CEP76: variants seen among roughly 807,000 people sequenced by gnomAD.
CEP76 encodes the protein centrosomal protein 76, also known as centrosomal protein of 76 kDa.
CEP76 carries 55 observed loss-of-function variants against 83.3 expected under a neutral mutation model. That is an observed-to-expected ratio of 0.66 (90% CI 0.53 to 0.83). CEP76 has a LOEUF of 0.83. Among genes scored for constraint, CEP76 ranks in the 40% least tolerant of loss-of-function variants. The pLI, the probability that CEP76 is intolerant of heterozygous loss-of-function variation, is 0.00. For synonymous variants in CEP76, 270 were observed against 274.5 expected (o/e 0.98, Z 0.16); for missense variants, 694 against 799.5 (o/e 0.87, Z 1.59).
chr18:12,689,477 G>A (rs891153607), intron 7 of CEP76, among the ~76,000 whole-genome samples: 1 of 152,192 alleles, frequency 6.6e-6, no homozygotes, highest in African/African-American at 2.4e-5. Context: ...TACAAAAAGA[G>A]CCAATGCCTG....
At chr18:12,668,030 C>T (rs4797698), downstream of CEP76, among the ~76,000 whole-genome samples, 24,589 of 151,478 alleles carry the variant, frequency 0.16, 2,081 homozygotes, top group Admixed American at 0.24. Flanking sequence ...TTTGGGAGGC[C>T]GAGGCAGGCG....
intron 6 of CEP76, among the ~76,000 whole-genome samples, chr18:12,692,811 A>G (rs1222954073): frequency 6.6e-6 from 1 of 152,142 alleles, no homozygotes; most frequent in Non-Finnish European, 1.5e-5. Flanking sequence ...TTTAGGATCC[A>G]TACATATTTC....
intron 10 of CEP76, 109 bp downstream of exon 10, chr18:12,678,000 G>C (rs1350760037): frequency 8.9e-6 from 7 of 783,732 alleles, no homozygotes; most frequent in African/African-American, 1.7e-5. Flanking sequence ...GACTGTAGTT[G>C]TTTTGTTCAG....
intron 7 of CEP76, 173 bp downstream of exon 7, chr18:12,691,186 A>G: frequency 2.2e-6 from 1 of 444,858 alleles, no homozygotes; most frequent in Non-Finnish European, 3.9e-6. Context: ...ACATAGATTG[A>G]TCTTGCCACT....
At chr18:12,676,279 CT>C (rs1157897766) in intron 10 of CEP76, among the ~76,000 whole-genome samples, 713 of 106,424 alleles carry the variant, frequency 6.7e-3, no homozygotes, top group African/African-American at 0.014. Context: ...ACAGTAATTC[CT>C]TTTTTTTTTT....
At chr18:12,672,347 C>T (rs1044121886), downstream of CEP76, among the ~76,000 whole-genome samples, 1 of 152,016 alleles carries the variant, frequency 6.6e-6, no homozygotes, top group East Asian at 1.9e-4. Context: ...AACTCCTGAC[C>T]TCAAGTGATC....
In CEP76 at chr18:12,672,980, A is replaced by G. The variant is rs1385713131; in HGVS notation, c.*385T>C. 2 of 988,660 alleles carry G rather than the reference A, an allele frequency of 2.0e-6. No homozygotes were observed. Among genetic ancestry groups the G allele is most frequent in the Non-Finnish European group, 2.4e-6 (2 of 831,910 alleles). The allele number at this position is 988,660 out of a possible 1,614,324, so 61.2% of individuals were successfully genotyped here. On this transcript the variant is annotated 3_prime_UTR_variant, in exon 12 of 12. Coordinates refer to ENST00000262127, the MANE Select transcript of CEP76 (RefSeq NM_024899.4). ...ATAAAATAATTCCATTAACCTGTGA[A>G]AAGTAATGATCATACTGATTTGTCT...
chr18:12,695,269 T>C lies in CEP76; in HGVS notation c.789A>G (p.Glu263=). ...YPPLNQTLSQ[E]VVNTQLALER... The stretch of plus-strand genomic sequence containing the variant: ...AAGTATTTACCTGTGTGTTCACTAC[T>C]TCTTGAGATAACGTTTGATTGAGTG... The change falls in exon 6 of 12, where the codon GAA becomes GAG. Residue 263 remains glutamate, a synonymous_variant. Coordinates refer to ENST00000262127, the MANE Select transcript of CEP76 (RefSeq NM_024899.4). 1.3e-6 allele frequency: 2 copies of C among 1,523,000 alleles called. No homozygotes were observed. The highest frequency in any genetic ancestry group is 1.8e-6 in the Non-Finnish European group (2 of 1,107,336). The allele number at this position is 1,523,000 out of a possible 1,614,324, so 94.3% of individuals were successfully genotyped here.
intron 1 of CEP76, 28 bp downstream of exon 1, chr18:12,702,458 G>T: frequency 6.4e-7 from 1 of 1,553,302 alleles, no homozygotes. Context: ...TCGGCCCGGC[G>T]GTCTCTCCCA....
rs1429364223 is a variant in CEP76 at position 12,674,735 on chromosome 18, C to T, written c.1642G>A (p.Val548Ile). ...EHRKDLGLTT[V>I]WEDQLSYLLS... ...AGGTAGGAGAGCTGGTCTTCCCAAA[C>T]AGTAGTGAGGCCAAGATCCTATGAG... The change falls in exon 11 of 12, where the codon GTT becomes ATT. Residue 548 changes from valine (V) to isoleucine (I), a missense_variant. Physicochemically the swap from Val to Ile is conservative, Grantham distance 29 (BLOSUM62 3). Transcript: ENST00000262127. 7 of 1,613,670 alleles carry T rather than the reference C, an allele frequency of 4.3e-6. No homozygotes were observed. In the East Asian group the frequency reaches 1.1e-4, roughly 26 times the overall value.
Position 12,697,677 on chromosome 18 carries a change from T to C in CEP76, c.521-269A>G, listed in dbSNP as rs536865502. On this transcript the variant is annotated intron_variant, in intron 4 of 11. Coordinates refer to ENST00000262127, the MANE Select transcript of CEP76 (RefSeq NM_024899.4). ...TCTGATTCATAAGATAAGTCTGTTC[T>C]TTAAAAGTACTTAACTAAAGTATAT... Among the ~76,000 whole-genome samples, 3 of 152,306 alleles carry C rather than the reference T, an allele frequency of 2.0e-5. No individual in the cohort carries two copies. The East Asian group carries it at 5.8e-4, about 29-fold the overall frequency.
At chr18:12,662,721 G>A (rs928070595) in intron 12 of CEP76, among the ~76,000 whole-genome samples, 1 of 152,188 alleles carries the variant, frequency 6.6e-6, no homozygotes, top group African/African-American at 2.4e-5. Context: ...AGGCTGCAGT[G>A]AGCCGAGATC....
At position 12,702,559 on chromosome 18, in the gene CEP76, G is replaced by GGCGTCTCCCCGCC; in HGVS notation, c.-24_-12dup. On this transcript the variant is annotated 5_prime_UTR_variant, in exon 1 of 12. Coordinates refer to ENST00000262127, the MANE Select transcript of CEP76 (RefSeq NM_024899.4). Reference sequence around the variant, plus strand: ...CGGAGGCAGCGACATGCTGGCAGCCGGCGTCTCCCCGCCGCTTCTCCCCGC... The same window carrying GGCGTCTCCCCGCC: ...CGGAGGCAGCGACATGCTGGCAGCCGGCGTCTCCCCGCCGCGTCTCCCCGCCGCTTCTCCCCGC... The GGCGTCTCCCCGCC allele has an allele frequency of 6.4e-7, 1 of 1,569,396 alleles. No individual in the cohort carries two copies.
chr18:12,689,943 C>T (rs151256824), intron 7 of CEP76, among the ~76,000 whole-genome samples: 3 of 152,300 alleles, frequency 2.0e-5, no homozygotes, highest in Non-Finnish European at 2.9e-5. Context: ...TGCCTGCCAC[C>T]AAGCCTGGCT....
At chr18:12,685,053 T>C (rs1476529972) in intron 8 of CEP76, 1 of 151,876 alleles carries the variant, frequency 6.6e-6, no homozygotes, top group Non-Finnish European at 1.5e-5. Context: ...CAGGCTGGAG[T>C]GCAATGGCGC....
chr18:12,696,241 C>T (rs2039953073), intron 5 of CEP76, among the ~76,000 whole-genome samples: 1 of 152,104 alleles, frequency 6.6e-6, no homozygotes, highest in Admixed American at 6.6e-5. Flanking sequence ...CGCGGTGACT[C>T]ACGCCAATAT....
intron 7 of CEP76, among the ~76,000 whole-genome samples, chr18:12,688,023 C>A (rs945678533): frequency 6.6e-6 from 1 of 151,832 alleles, no homozygotes; most frequent in African/African-American, 2.4e-5. Context: ...GTGGGTGGAT[C>A]ACGAGGTCAG....
At chr18:12,680,008 A>G (rs935470229) in intron 9 of CEP76, among the ~76,000 whole-genome samples, 1 of 151,372 alleles carries the variant, frequency 6.6e-6, no homozygotes, top group African/African-American at 2.4e-5. Context: ...GTGGGCTGTG[A>G]CTGTGCCACT....
chr18:12,698,930 C>T (rs2040055198), intron 4 of CEP76, 49 bp downstream of exon 4: 3 of 1,297,532 alleles, frequency 2.3e-6, no homozygotes, highest in Admixed American at 2.1e-5. Context: ...CACAATAAAA[C>T]ATAACAAAGA....
Sources: allele counts gnomAD v4.1 joint callset (sites outside exome capture counted in the v4.1 genomes callset), GRCh38; gene constraint gnomAD v4.1.1; transcripts MANE v1.5; gene names NCBI Gene and HGNC (gene_info 2026-07-23, HGNC 2026-07-21).